The following TSPAN9 variants were observed in gnomAD, a reference collection of about 807,000 sequenced individuals.
TSPAN9 encodes tetraspanin-9.
A neutral mutation model predicts 31.0 loss-of-function variants in TSPAN9; 16 were observed. The observed-to-expected ratio is 0.52, with a 90% CI of 0.35 to 0.78. TSPAN9 has a LOEUF of 0.78. Ranked by LOEUF, TSPAN9 falls within the 30% of genes least tolerant of loss-of-function variation. TSPAN9 has a pLI of 0.01. For missense variants in TSPAN9, 272 were observed against 312.5 expected, an observed-to-expected ratio of 0.87 and a Z score of 0.98; for synonymous variants, 145 against 121.6, an observed-to-expected ratio of 1.19 and a Z score of -1.27.
At chr12:3,236,494 C>T (rs2098393791) in intron 3 of TSPAN9, among the ~76,000 whole-genome samples, 1 of 152,172 alleles carries the variant, frequency 6.6e-6, no homozygotes, top group African/African-American at 2.4e-5. Context: ...AGCTGCCTGC[C>T]TCTGAGGCCC....
At position 3,286,330 on chromosome 12, in the gene TSPAN9, G is replaced by A. The variant is rs1486333579; in HGVS notation, c.*3214G>A. The A allele has an allele frequency of 6.6e-6, 1 of 152,608 alleles. No homozygotes were observed. The highest frequency in any genetic ancestry group is 1.5e-5 in the Non-Finnish European group (1 of 68,072). 9.5% of individuals were successfully genotyped at this position (152,608 alleles called of 1,614,324 possible). On this transcript the variant is annotated 3_prime_UTR_variant, in exon 9 of 9. Transcript: ENST00000011898. The surrounding 1 kb of genome is among the most constrained non-coding windows in gnomAD (Gnocchi z 4.1). ...GGGTGGGGCCTGGCCTCCCTGCCCT[G>A]ATTGGGGACTCAGGAGGTGAGGCCT...
intron 3 of TSPAN9, among the ~76,000 whole-genome samples, chr12:3,227,308 C>T (rs1315392235): frequency 2.0e-5 from 3 of 152,178 alleles, no homozygotes; most frequent in Non-Finnish European, 4.4e-5. Flanking sequence ...ATGTGTCCAC[C>T]AGGGCTGCGC....
intron 3 of TSPAN9, among the ~76,000 whole-genome samples, chr12:3,236,227 C>T (rs555971605): frequency 5.3e-5 from 8 of 152,356 alleles, no homozygotes; most frequent in Admixed American, 2.0e-4. Flanking sequence ...CTCTGAGCGT[C>T]ATCTTCCTCA....
chr12:3,178,982 T>G (rs766708957), intron 2 of TSPAN9, among the ~76,000 whole-genome samples: 6 of 152,220 alleles, frequency 3.9e-5, no homozygotes, highest in Non-Finnish European at 5.9e-5. Flanking sequence ...TGGTTTCTCC[T>G]GGGAGGGCGG....
Position 3,280,307 on chromosome 12 carries a change from G to A in TSPAN9, c.331-75G>A, listed in dbSNP as rs1862869489. 1.5e-6 allele frequency: 2 copies of A among 1,353,660 alleles called. No homozygotes were observed. Among genetic ancestry groups the A allele is most frequent in the Non-Finnish European group, 2.1e-6 (2 of 955,710 alleles). The allele number at this position is 1,353,660 out of a possible 1,614,324, so 83.9% of individuals were successfully genotyped here. The stretch of plus-strand genomic sequence containing the variant: ...TCCTCATCTGTCACCCACCATCCTG[G>A]GTGACCTGAGGTGGGCTGGAGAGAC... On this transcript the variant is annotated intron_variant, in intron 5 of 8. Transcript: ENST00000011898. This position sits in a 1 kb window ranked among gnomAD's most constrained non-coding sequence, Gnocchi z 4.5.
At position 3,188,974 on chromosome 12, in the gene TSPAN9, T is replaced by C. The variant is rs1407805596; in HGVS notation, c.-17-12203T>C. Among the ~76,000 whole-genome samples the C allele has an allele frequency of 1.3e-5, 2 of 152,134 alleles. 1 individual carries two copies. Among genetic ancestry groups the C allele is most frequent in the Non-Finnish European group, 2.9e-5 (2 of 68,022 alleles). On this transcript the variant is annotated intron_variant, in intron 2 of 8. Coordinates refer to ENST00000011898, the MANE Select transcript of TSPAN9 (RefSeq NM_006675.5). ...TCTTTAGTTTCCTAAGTGTGCACCA[T>C]GTATGGGGCTGCGCTGGTTGCCGCA...
Position 3,280,570 on chromosome 12 carries a change from G to A in TSPAN9, c.432+87G>A, listed in dbSNP as rs920562798. The A allele has an allele frequency of 4.2e-5, 53 of 1,248,756 alleles. No homozygotes were observed. The Middle Eastern group carries it at 1.5e-3, about 35-fold the overall frequency. 77.4% of individuals were successfully genotyped at this position (1,248,756 alleles called of 1,614,324 possible). A position where few individuals can be genotyped will look rare whatever the true frequency, so the allele number is the denominator to read the frequency against. ...AGCTGCCTTCCCCGGTGACCTGGCCGGGCACCTGTGCTTTCTGGATTTTAG... is the reference window on the plus strand; with the variant it reads ...AGCTGCCTTCCCCGGTGACCTGGCCAGGCACCTGTGCTTTCTGGATTTTAG... On this transcript the variant is annotated intron_variant, in intron 6 of 8. Transcript: ENST00000011898. This position sits in a 1 kb window ranked among gnomAD's most constrained non-coding sequence, Gnocchi z 4.5.
intron 2 of TSPAN9, among the ~76,000 whole-genome samples, chr12:3,092,841 C>A (rs2098305560): frequency 6.6e-6 from 1 of 152,146 alleles, no homozygotes; most frequent in Admixed American, 6.6e-5. Context: ...TCTTTGGAAC[C>A]AGTGTGTGGC....
At chr12:3,140,657 G>C (rs1407554434) in intron 2 of TSPAN9, among the ~76,000 whole-genome samples, 1 of 152,110 alleles carries the variant, frequency 6.6e-6, no homozygotes, top group Non-Finnish European at 1.5e-5. Flanking sequence ...TGGGGGAATT[G>C]GAATGAGGAA....
At chr12:3,180,917 G>A (rs1356567157) in intron 2 of TSPAN9, among the ~76,000 whole-genome samples, 1 of 152,172 alleles carries the variant, frequency 6.6e-6, no homozygotes, top group African/African-American at 2.4e-5. Flanking sequence ...CACCTGCTGT[G>A]TGCCAGGCGC....
At chr12:3,127,962 C>T (rs944652599) in intron 2 of TSPAN9, among the ~76,000 whole-genome samples, 1 of 152,084 alleles carries the variant, frequency 6.6e-6, no homozygotes, top group Non-Finnish European at 1.5e-5. Context: ...GTGCAGTGGG[C>T]TTGTTTACAT....
chr12:3,150,783 C>T (rs1267536383), intron 2 of TSPAN9, among the ~76,000 whole-genome samples: 2 of 152,130 alleles, frequency 1.3e-5, no homozygotes, highest in Non-Finnish European at 2.9e-5. Flanking sequence ...CCTTCTTCAC[C>T]CCACGCCTGG....
chr12:3,102,227 G>A (rs1238883957), intron 2 of TSPAN9, among the ~76,000 whole-genome samples: 2 of 151,794 alleles, frequency 1.3e-5, no homozygotes, highest in Admixed American at 6.6e-5. Context: ...GGGTTCAAGC[G>A]ATCCTTCTGC....
chr12:3,162,803 G>A (rs1453465807), intron 2 of TSPAN9, among the ~76,000 whole-genome samples: 2 of 152,072 alleles, frequency 1.3e-5, no homozygotes, highest in Non-Finnish European at 1.5e-5. Flanking sequence ...GCTACATGTC[G>A]CCCTTCTCTC....
chr12:3,274,553 C>T lies in TSPAN9; in HGVS notation c.64-3868C>T, dbSNP rs59669701. Among the ~76,000 whole-genome samples, 768 of 152,194 alleles carry T rather than the reference C, an allele frequency of 5.0e-3. 4 individuals are homozygous for T. Among genetic ancestry groups the T allele is most frequent in the African/African-American group, 0.018 (733 of 41,568 alleles). On this transcript the variant is annotated intron_variant, in intron 3 of 8. Coordinates refer to ENST00000011898, the MANE Select transcript of TSPAN9 (RefSeq NM_006675.5). ...GTGTTGGTGCCTGTCACCTGTCAGTCGGAGGTCCCCTGGGAGCAGGTAGTG... is the reference window on the plus strand; with the variant it reads ...GTGTTGGTGCCTGTCACCTGTCAGTTGGAGGTCCCCTGGGAGCAGGTAGTG...
intron 3 of TSPAN9, among the ~76,000 whole-genome samples, chr12:3,231,144 ATTCT>A (rs151164091): frequency 0.027 from 4,045 of 152,012 alleles, 172 homozygotes; most frequent in African/African-American, 0.093. Context: ...AATGCCATAC[ATTCT>A]TTCTTTCTAC....
At chr12:3,193,682 A>G (rs1280149946) in intron 2 of TSPAN9, among the ~76,000 whole-genome samples, 1 of 152,230 alleles carries the variant, frequency 6.6e-6, no homozygotes, top group Non-Finnish European at 1.5e-5. Context: ...CTGGGGCAGC[A>G]GTGCTCCTGG....
Position 3,217,099 on chromosome 12 carries a change from C to T in TSPAN9, c.63+15843C>T, listed in dbSNP as rs1190673586. Among the ~76,000 whole-genome samples, 8 of 152,200 alleles carry T rather than the reference C, an allele frequency of 5.3e-5. No homozygotes were observed. The South Asian group carries it at 1.2e-3, about 24-fold the overall frequency. ...ATTTACTGGAGTTATTTTTCCTCAT[C>T]GTTCCCTTTCTTTGGTGTTCCCAGG... On this transcript the variant is annotated intron_variant, in intron 3 of 8. Transcript: ENST00000011898.
intron 3 of TSPAN9, among the ~76,000 whole-genome samples, chr12:3,234,870 G>A (rs923979842): frequency 6.6e-5 from 10 of 151,916 alleles, no homozygotes; most frequent in Non-Finnish European, 1.0e-4. Context: ...AAAAAATATA[G>A]GTAAGTGAGG....
Sources: allele counts gnomAD v4.1 joint callset (sites outside exome capture counted in the v4.1 genomes callset), GRCh38; gene constraint gnomAD v4.1.1; non-coding constraint Gnocchi (gnomAD v3.1); transcripts MANE v1.5; gene names NCBI Gene and HGNC (gene_info 2026-07-23, HGNC 2026-07-21).